The following PLS1 variants were observed in gnomAD, a reference collection of about 807,000 sequenced individuals.
PLS1 encodes plastin 1.
Under a neutral mutation model 73.7 loss-of-function variants are expected in PLS1, and 32 were observed. The observed-to-expected ratio is 0.43, with a 90% confidence interval of 0.33 to 0.58. PLS1 has a LOEUF of 0.58. PLS1 is among the 20% of genes least tolerant of loss of function. The pLI is 0.04. For missense variants in PLS1, 633 were observed against 740.5 expected (o/e 0.85, Z 1.68); for synonymous variants, 217 against 261.3 (o/e 0.83, Z 1.63).
intron 2 of PLS1, among the ~76,000 whole-genome samples, chr3:142,664,953 A>G (rs1434249723): frequency 6.6e-6 from 1 of 151,814 alleles, no homozygotes; most frequent in East Asian, 1.9e-4. Flanking sequence ...CCCATGGTAA[A>G]CAGGAGAATA....
chr3:142,614,922 G>C (rs1206790505), intron 1 of PLS1, among the ~76,000 whole-genome samples: 1 of 151,048 alleles, frequency 6.6e-6, no homozygotes, highest in East Asian at 1.9e-4. Flanking sequence ...CAACAGCTGG[G>C]TGGGGCTGGG....
At chr3:142,604,929 C>A (rs9824176) in intron 1 of PLS1, among the ~76,000 whole-genome samples, 84,757 of 149,496 alleles carry the variant, frequency 0.57, 24,185 homozygotes, top group Middle Eastern at 0.61. Context: ...GAGCAAGACT[C>A]CGTCTCAAAA....
At chr3:142,684,206 A>T in intron 7 of PLS1, 35 bp downstream of exon 7, 1 of 1,613,796 alleles carries the variant, frequency 6.2e-7, no homozygotes, top group Non-Finnish European at 8.5e-7. Flanking sequence ...GTTCATTGAC[A>T]TGTACTTGCT....
chr3:142,599,496 A>ATT (rs1468055245), intron 1 of PLS1, among the ~76,000 whole-genome samples: 79 of 149,902 alleles, frequency 5.3e-4, no homozygotes, highest in African/African-American at 1.6e-3. Flanking sequence ...CGCCCGGCTA[A>ATT]TTTTTTGTAT....
chr3:142,711,243 A>G (rs913371459), intron 14 of PLS1, among the ~76,000 whole-genome samples: 4 of 152,184 alleles, frequency 2.6e-5, no homozygotes, highest in Non-Finnish European at 4.4e-5. Context: ...AATGGACACT[A>G]TAGTTAGCAT....
intron 1 of PLS1, among the ~76,000 whole-genome samples, chr3:142,640,430 T>C (rs527511042): frequency 2.0e-5 from 3 of 152,198 alleles, no homozygotes; most frequent in Non-Finnish European, 4.4e-5. Flanking sequence ...GAAGGCAGGA[T>C]GAACAGAAAG....
At chr3:142,667,863 C>A (rs1238407307) in intron 2 of PLS1, among the ~76,000 whole-genome samples, 1 of 152,128 alleles carries the variant, frequency 6.6e-6, no homozygotes, top group Non-Finnish European at 1.5e-5. Context: ...TCTCTAAATT[C>A]AAAGAAAGCA....
intron 1 of PLS1, among the ~76,000 whole-genome samples, chr3:142,609,373 G>A (rs1277852107): frequency 6.6e-6 from 1 of 152,152 alleles, no homozygotes; most frequent in African/African-American, 2.4e-5. Flanking sequence ...TTGTGACTTT[G>A]CTTTCCTAAC....
chr3:142,622,161 C>T (rs527305752), intron 1 of PLS1, among the ~76,000 whole-genome samples: 1 of 152,302 alleles, frequency 6.6e-6, no homozygotes, highest in South Asian at 2.1e-4. Context: ...GGTCCTAATT[C>T]TACCAGCTTG....
chr3:142,679,066 GTCT>G (rs1212097097), intron 6 of PLS1, among the ~76,000 whole-genome samples: 2 of 150,922 alleles, frequency 1.3e-5, no homozygotes, highest in African/African-American at 4.9e-5. Flanking sequence ...CTGCATAAAT[GTCT>G]TCTTTTGAGA....
chr3:142,696,535 C>T (rs973919303), intron 11 of PLS1, among the ~76,000 whole-genome samples: 1 of 151,874 alleles, frequency 6.6e-6, no homozygotes, highest in African/African-American at 2.4e-5. Flanking sequence ...TTTTTAGGTT[C>T]CTGCCTATAG....
chr3:142,670,770 A>C (rs541066007), intron 3 of PLS1, among the ~76,000 whole-genome samples: 4 of 152,344 alleles, frequency 2.6e-5, no homozygotes, highest in African/African-American at 9.6e-5. Context: ...TGTTCAATTT[A>C]AGCTTAGTTA....
chr3:142,666,059 A>G (rs1041112511), intron 2 of PLS1, among the ~76,000 whole-genome samples: 60 of 152,328 alleles, frequency 3.9e-4, no homozygotes, highest in African/African-American at 1.4e-3. Flanking sequence ...CACTTTTCTC[A>G]AGGATAGAGG....
At chr3:142,628,051 A>G (rs2036467981) in intron 1 of PLS1, 1 of 152,226 alleles carries the variant, frequency 6.6e-6, no homozygotes. Flanking sequence ...ATCTAATTTC[A>G]ATGTCTACAT....
At chr3:142,681,673 G>A (rs1577885294) in intron 6 of PLS1, among the ~76,000 whole-genome samples, 1 of 152,206 alleles carries the variant, frequency 6.6e-6, no homozygotes, top group Non-Finnish European at 1.5e-5. Context: ...TCTTCAGGAA[G>A]GCTGGGCATT....
rs977805802 is a variant in PLS1, at chr3:142,713,281, C to G, written c.*1274C>G. On this transcript the variant is annotated 3_prime_UTR_variant, in exon 16 of 16. Coordinates refer to ENST00000457734, the MANE Select transcript of PLS1 (RefSeq NM_001145319.2). The stretch of plus-strand genomic sequence containing the variant: ...CCACTGTTAGTGCCAGTGAGCAATA[C>G]TGTTGTGCAACAAAAATGTCACTTT... 6.6e-6 allele frequency: 1 copy of G among 152,598 alleles called. No individual in the cohort carries two copies. The highest frequency in any genetic ancestry group is 2.4e-5 in the African/African-American group (1 of 41,448). The allele number at this position is 152,598 out of a possible 1,614,324, so 9.5% of individuals were successfully genotyped here.
At chr3:142,663,361 C>T (rs2037412424) in intron 1 of PLS1, among the ~76,000 whole-genome samples, 1 of 152,086 alleles carries the variant, frequency 6.6e-6, no homozygotes, top group African/African-American at 2.4e-5. Flanking sequence ...GAACACACAC[C>T]ACCTTGTGAC....
At chr3:142,619,242 T>C (rs1356531749) in intron 1 of PLS1, among the ~76,000 whole-genome samples, 1 of 152,196 alleles carries the variant, frequency 6.6e-6, no homozygotes, top group Non-Finnish European at 1.5e-5. Flanking sequence ...AGCCTGCTTC[T>C]CTGGTAGCTT....
chr3:142,617,714 A>T (rs1261486512), intron 1 of PLS1, among the ~76,000 whole-genome samples: 2 of 152,226 alleles, frequency 1.3e-5, no homozygotes, highest in East Asian at 3.8e-4. Context: ...ATAATGGCTC[A>T]GTCCTATAAT....
Sources: gnomAD v4.1 joint callset for allele counts (sites outside exome capture counted in the v4.1 genomes callset) on GRCh38, gnomAD v4.1.1 for gene constraint, MANE v1.5 for transcripts, NCBI Gene and HGNC (gene_info 2026-07-23, HGNC 2026-07-21) for gene names.